TENM3: variants seen among roughly 807,000 people sequenced by gnomAD.
TENM3 encodes the protein teneurin transmembrane protein 3.
Under a neutral mutation model 255.1 loss-of-function variants are expected in TENM3, and 63 were observed. The ratio of observed to expected loss-of-function variants is 0.25; its 90% CI spans 0.20 to 0.30. TENM3 has a LOEUF of 0.30. Among genes scored for constraint, TENM3 ranks in the 10% least tolerant of loss-of-function variants. The probability of loss-of-function intolerance (pLI) is 1.00; values close to 1 mark genes in which losing one functional copy is unlikely to be tolerated. For missense variants in TENM3, 2,929 were observed against 3,461.1 expected (o/e 0.85, Z 3.86); for synonymous variants, 1,306 against 1,322.3 (o/e 0.99, Z 0.27).
chr4:181,496,734 A>T, the TENM3 span, among the ~76,000 whole-genome samples: 1 of 152,226 alleles, frequency 6.6e-6, no homozygotes, highest in Non-Finnish European at 1.5e-5. Context: ...GTGAATGTCA[A>T]ATGAATTAAT....
chr4:182,402,058 C>A (rs751071793), intron 3 of TENM3, among the ~76,000 whole-genome samples: 58 of 152,164 alleles, frequency 3.8e-4, no homozygotes, highest in Admixed American at 1.4e-3. Context: ...GAAGGGATGG[C>A]AGACCCACGT....
chr4:181,662,154 C>T, the TENM3 span, among the ~76,000 whole-genome samples: 1 of 152,128 alleles, frequency 6.6e-6, no homozygotes, highest in South Asian at 2.1e-4. Context: ...TTTATTCATG[C>T]CAGAATGTAT....
the TENM3 span, among the ~76,000 whole-genome samples, chr4:181,846,539 G>A: frequency 6.6e-6 from 1 of 152,156 alleles, no homozygotes; most frequent in African/African-American, 2.4e-5. Context: ...ATTATTAAGA[G>A]AAAATGATTA....
At chr4:182,584,989 A>G (rs534628605) in intron 3 of TENM3, among the ~76,000 whole-genome samples, 2 of 152,312 alleles carry the variant, frequency 1.3e-5, no homozygotes, top group East Asian at 3.9e-4. Context: ...ATGCTTGTAA[A>G]GACCTCCCCA....
At chr4:181,538,468 G>C in the TENM3 span, among the ~76,000 whole-genome samples, 1 of 152,180 alleles carries the variant, frequency 6.6e-6, no homozygotes, top group East Asian at 1.9e-4. Context: ...ATGGGGAGGG[G>C]GGCGTGGTGG....
the TENM3 span, among the ~76,000 whole-genome samples, chr4:181,517,462 A>G: frequency 6.6e-6 from 1 of 152,216 alleles, no homozygotes; most frequent in African/African-American, 2.4e-5. Context: ...AGAAGTTAGC[A>G]CTGGCCCTGC....
intron 24 of TENM3, among the ~76,000 whole-genome samples, chr4:182,775,828 T>C (rs1764644867): frequency 1.3e-5 from 2 of 152,200 alleles, no homozygotes; most frequent in South Asian, 2.1e-4. Context: ...TTTTTGCTAA[T>C]AGTAAACCTT....
At chr4:182,751,730 T>G (rs1282145120) in intron 19 of TENM3, 70 bp from the exon 20 acceptor site, 5 of 1,096,034 alleles carry the variant, frequency 4.6e-6, no homozygotes, top group Non-Finnish European at 7.0e-6. Flanking sequence ...TCTGTTTTAT[T>G]TTGCTTTTAA....
chr4:182,507,298 G>A (rs1376876244), intron 3 of TENM3, among the ~76,000 whole-genome samples: 2 of 152,120 alleles, frequency 1.3e-5, no homozygotes, highest in Admixed American at 6.5e-5. Flanking sequence ...ATAACATTAG[G>A]TCCCATAATC....
At chr4:182,065,739 C>A in the TENM3 span, among the ~76,000 whole-genome samples, 1 of 152,338 alleles carries the variant, frequency 6.6e-6, no homozygotes, top group South Asian at 2.1e-4. Context: ...CTTCATCACA[C>A]ACATCCATGT....
the TENM3 span, among the ~76,000 whole-genome samples, chr4:181,508,018 C>G: frequency 6.6e-6 from 1 of 152,148 alleles, no homozygotes; most frequent in Admixed American, 6.5e-5. Context: ...TAATTATCTC[C>G]ACAAATGAAA....
intron 1 of TENM3, among the ~76,000 whole-genome samples, chr4:182,246,810 A>G (rs1478569879): frequency 1.3e-5 from 2 of 152,306 alleles, no homozygotes; most frequent in East Asian, 3.9e-4. Context: ...GCAGGGATGA[A>G]CTCACTTTCT....
At chr4:181,980,955 C>T in the TENM3 span, among the ~76,000 whole-genome samples, 1 of 151,888 alleles carries the variant, frequency 6.6e-6, no homozygotes, top group East Asian at 1.9e-4. Context: ...AACACAGAAC[C>T]ACAAGGTAAA....
the TENM3 span, among the ~76,000 whole-genome samples, chr4:181,915,528 G>T: frequency 1.3e-5 from 2 of 151,888 alleles, no homozygotes; most frequent in Non-Finnish European, 2.9e-5. Flanking sequence ...GTGATTCAAA[G>T]AAAAAGATGA....
At chr4:182,795,060 G>A (rs768646011) in intron 26 of TENM3, among the ~76,000 whole-genome samples, 12 of 151,964 alleles carry the variant, frequency 7.9e-5, no homozygotes, top group Non-Finnish European at 1.5e-4. Context: ...TGAGATGTCT[G>A]TTCTCTCAGT....
At chr4:181,669,601 A>T in the TENM3 span, among the ~76,000 whole-genome samples, 1 of 152,122 alleles carries the variant, frequency 6.6e-6, no homozygotes, top group East Asian at 1.9e-4. Context: ...GTGTTACCCC[A>T]TTCTGACTTG....
the TENM3 span, among the ~76,000 whole-genome samples, chr4:181,842,601 G>T: frequency 3.3e-5 from 5 of 152,198 alleles, no homozygotes; most frequent in African/African-American, 1.2e-4. Context: ...CATGAAGCAG[G>T]TGTCCTCTGG....
chr4:182,106,163 A>C, the TENM3 span, among the ~76,000 whole-genome samples: 1 of 152,132 alleles, frequency 6.6e-6, no homozygotes, highest in Non-Finnish European at 1.5e-5. Flanking sequence ...GACCTCTTCT[A>C]GGGCAAGGTT....
chr4:181,649,524 G>T, the TENM3 span, among the ~76,000 whole-genome samples: 1 of 152,022 alleles, frequency 6.6e-6, no homozygotes, highest in Non-Finnish European at 1.5e-5. Flanking sequence ...TTGGTTTCTT[G>T]GCTAAAAGAA....
Sources: gnomAD v4.1 joint callset for allele counts (sites outside exome capture counted in the v4.1 genomes callset) on GRCh38, gnomAD v4.1.1 for gene constraint, MANE v1.5 for transcripts, NCBI Gene and HGNC (gene_info 2026-07-23, HGNC 2026-07-21) for gene names.